The following KMT2D variants were observed in gnomAD, a reference collection of about 807,000 sequenced individuals.
The protein encoded by KMT2D is histone-lysine N-methyltransferase 2D.
A neutral mutation model predicts 512.7 loss-of-function variants in KMT2D; 55 were observed. The observed-to-expected ratio is 0.11, with a 90% CI of 0.09 to 0.13. The LOEUF (loss-of-function observed/expected upper bound fraction) is 0.13. KMT2D is among the 10% of genes least tolerant of loss of function. The pLI is 1.00. For synonymous variants in KMT2D, 2,995 were observed against 2,904.0 expected (o/e 1.03, Z -1.01); for missense variants, 6,061 against 7,127.9 (o/e 0.85, Z 5.39).
rs974716844 is a variant in KMT2D, at chr12:49,048,789, G to C, written c.4021-20C>G. The C allele has an allele frequency of 6.6e-6, 10 of 1,505,038 alleles. No homozygotes were observed. The highest frequency in any genetic ancestry group is 4.1e-5 in the African/African-American group (3 of 72,878). 93.2% of individuals were successfully genotyped at this position (1,505,038 alleles called of 1,614,324 possible). A position where few individuals can be genotyped will look rare whatever the true frequency, so the allele number is the denominator to read the frequency against. On this transcript the variant is annotated intron_variant, in intron 13 of 54. Transcript: ENST00000301067. ...AGCAACCTGATGGGCAGAGAGTTAT[G>C]GAAAGTGAGGCAGATAAATCTGCCC... is the stretch of plus-strand genomic sequence containing the variant.
Position 49,041,082 on chromosome 12 carries a change from G to T in KMT2D, c.6688C>A (p.Pro2230Thr), listed in dbSNP as rs2120541254. ...AGQPGEFHTT[P>T]PGTPRHQPST... ...GGCTGGTGTCTGGGGGTGCCAGGTG[G>T]GGTAGTGTGGAATTCCCCTGGCTGG... is the stretch of plus-strand genomic sequence containing the variant. The change falls in exon 32 of 55, where the codon CCA becomes ACA. Residue 2230 changes from proline (P) to threonine (T), a missense_variant. This residue lies in a region of KMT2D where 710 missense variants were observed against 647.3 expected (regional missense o/e 1.10). Coordinates refer to ENST00000301067, the MANE Select transcript of KMT2D (RefSeq NM_003482.4). The surrounding 1 kb of genome is among the most constrained non-coding windows in gnomAD (Gnocchi z 5.4). 6.5e-7 allele frequency: 1 copy of T among 1,536,116 alleles called. No homozygotes were observed. The highest frequency in any genetic ancestry group is 8.7e-7 in the Non-Finnish European group (1 of 1,144,756).
rs1326488356 is a variant in KMT2D, at chr12:49,054,285, C to T, written c.510+22G>A. 1.3e-6 allele frequency: 2 copies of T among 1,566,342 alleles called. No individual in the cohort carries two copies. The highest frequency in any genetic ancestry group is 1.4e-5 in the African/African-American group (1 of 73,732). ...CCACCAGCCCTGCCCTTCACCTATG[C>T]AATCCCCTGGCCCAGCCCCACCTGT... On this transcript the variant is annotated intron_variant, in intron 5 of 54. Coordinates refer to ENST00000301067, the MANE Select transcript of KMT2D (RefSeq NM_003482.4). This position sits in a 1 kb window ranked among gnomAD's most constrained non-coding sequence, Gnocchi z 6.4.
rs770360649 is a variant in KMT2D at position 49,029,390 on chromosome 12, C to G, written c.14075+11G>C. 2.6e-4 allele frequency: 398 copies of G among 1,556,444 alleles called. 3 individuals are homozygous for G. The highest frequency in any genetic ancestry group is 7.2e-4 in the East Asian group (30 of 41,404). ...CTTGTTCCTCATCCCCATTTCTGGCCCCGCCCCTACCTGACATCCTCAGTC... is the reference window on the plus strand; with the variant it reads ...CTTGTTCCTCATCCCCATTTCTGGCGCCGCCCCTACCTGACATCCTCAGTC... On this transcript the variant is annotated intron_variant, in intron 44 of 54. Coordinates refer to ENST00000301067, the MANE Select transcript of KMT2D (RefSeq NM_003482.4).
chr12:49,037,189 C>T lies in KMT2D; in HGVS notation c.10167G>A (p.Met3389Ile), dbSNP rs755482753. Reference protein sequence around the residue: ...QKPMGTMPPSMCMKPQQLAMQ... With the variant: ...QKPMGTMPPSICMKPQQLAMQ... The stretch of plus-strand genomic sequence containing the variant: ...TTGCCAATTGCTGCGGCTTCATGCA[C>T]ATGGAAGGTGGCATGGTGCCCATGG... The change falls in exon 35 of 55, where the codon ATG becomes ATA. Residue 3389 changes from methionine to isoleucine, a missense_variant. Coordinates refer to ENST00000301067, the MANE Select transcript of KMT2D (RefSeq NM_003482.4). 2 of 1,605,950 alleles carry T rather than the reference C, an allele frequency of 1.2e-6. No individual in the cohort carries two copies. The highest frequency in any genetic ancestry group is 1.7e-5 in the Admixed American group (1 of 59,774).
In KMT2D at chr12:49,038,793, C is replaced by T. The variant is rs1316916041; in HGVS notation, c.8563G>A (p.Ala2855Thr). 1 of 1,588,192 alleles carries T rather than the reference C, an allele frequency of 6.3e-7. No homozygotes were observed. The highest frequency in any genetic ancestry group is 8.6e-7 in the Non-Finnish European group (1 of 1,167,038). The change falls in exon 35 of 55, where the codon GCG (alanine) becomes ACG (threonine). Residue 2855 changes from alanine to threonine, a missense_variant. By Grantham distance (58) the Ala-to-Thr change is moderately conservative. Transcript: ENST00000301067. The surrounding 1 kb of genome is among the most constrained non-coding windows in gnomAD (Gnocchi z 5.7). ...LGRQALGSPL[A>T]GISTRLPGPG... Reference sequence around the variant, plus strand: ...CCTGGCAGACGGGTGGAAATTCCCGCCAACGGGGAACCTAGGGCTTGGCGG... The same window carrying T: ...CCTGGCAGACGGGTGGAAATTCCCGTCAACGGGGAACCTAGGGCTTGGCGG...
At chr12:49,035,964 T>C (rs1943195353) in intron 35 of KMT2D, 1 of 152,272 alleles carries the variant, frequency 6.6e-6, no homozygotes, top group Non-Finnish European at 1.5e-5. Context: ...CTAGCTCTGC[T>C]AGCTGCTGTG....
At chr12:49,028,272 G>C in intron 46 of KMT2D, 131 bp from the exon 47 acceptor site, 1 of 1,118,868 alleles carries the variant, frequency 8.9e-7, no homozygotes, top group East Asian at 2.6e-5. Flanking sequence ...ATGTCACCCA[G>C]CTCTTTTCAT....
At position 49,060,745 on chromosome 12, in the gene KMT2D, G is replaced by A. The variant is rs982579951; in HGVS notation, c.-1170C>T. Among the ~76,000 whole-genome samples the A allele has an allele frequency of 6.6e-6, 1 of 152,260 alleles. No individual in the cohort carries two copies. Among genetic ancestry groups the A allele is most frequent in the Non-Finnish European group, 1.5e-5 (1 of 68,048 alleles). ...TTTGCCCGGGGCACCCCACTCGAGA[G>A]GGGGAGAAAGGAGAAGAGGCGGCCC... On this transcript the variant is annotated 5_prime_UTR_variant, in exon 1 of 55. Coordinates refer to ENST00000301067, the MANE Select transcript of KMT2D (RefSeq NM_003482.4).
rs768143170 is a variant in KMT2D, at chr12:49,030,976, C to T, written c.13588G>A (p.Asp4530Asn). Residue 4530 changes from aspartate to asparagine, a missense_variant, in exon 41 of 55, where the codon GAC (aspartate) becomes AAC (asparagine). By Grantham distance (23) the Asp-to-Asn change is conservative. Coordinates refer to ENST00000301067, the MANE Select transcript of KMT2D (RefSeq NM_003482.4). ...PKPKRVQKAS[D>N]RLVSSRKKLR... ...TTCTTTCGGGAGCTCACCAACCTGT[C>T]GCTTGCCTTCTGTACCCGCTTGGGC... 4.4e-5 allele frequency: 71 copies of T among 1,613,856 alleles called. No homozygotes were observed. Among genetic ancestry groups the T allele is most frequent in the East Asian group, 6.7e-5 (3 of 44,894 alleles).
At position 49,042,414 on chromosome 12, in the gene KMT2D, C is replaced by T; in HGVS notation, c.5868-84G>A. 3 of 1,501,642 alleles carry T rather than the reference C, an allele frequency of 2.0e-6. No individual in the cohort carries two copies. The highest frequency in any genetic ancestry group is 2.6e-5 in the South Asian group (2 of 76,094). 93.0% of individuals were successfully genotyped at this position (1,501,642 alleles called of 1,614,324 possible). A position where few individuals can be genotyped will look rare whatever the true frequency, so the allele number is the denominator to read the frequency against. On this transcript the variant is annotated intron_variant, in intron 28 of 54. Transcript: ENST00000301067. This position sits in a 1 kb window ranked among gnomAD's most constrained non-coding sequence, Gnocchi z 4.4. ...AACTGCCTAGAGCCCCAGGCCACTG[C>T]CCTGCCCCAAAAGAGGAGGGTCACT...
chr12:49,044,826 C>T lies in KMT2D; in HGVS notation c.4881G>A (p.Glu1627=), dbSNP rs1943711015. ...RLGLPGEAGL[E]GSEPSDALGP... ...CAAGGGCATCTGAGGGCTCAGAACC[C>T]TCCAATCCTGCCTCGCCTGGGAGGC... is the stretch of plus-strand genomic sequence containing the variant. Residue 1627 remains glutamate (E), a synonymous_variant, in exon 20 of 55, where the codon GAG becomes GAA. Transcript: ENST00000301067. The surrounding 1 kb of genome is among the most constrained non-coding windows in gnomAD (Gnocchi z 6.4). 1 of 1,614,084 alleles carries T rather than the reference C, an allele frequency of 6.2e-7. No homozygotes were observed. The highest frequency in any genetic ancestry group is 8.5e-7 in the Non-Finnish European group (1 of 1,179,912).
At chr12:49,058,633 G>A (rs1199490487) in intron 1 of KMT2D, among the ~76,000 whole-genome samples, 2 of 152,146 alleles carry the variant, frequency 1.3e-5, no homozygotes, top group East Asian at 1.9e-4. Context: ...GGAGAAAAGA[G>A]CTCTGATCAA....
In KMT2D at chr12:49,021,133, G is replaced by A; in HGVS notation, c.*647C>T. Reference sequence around the variant, plus strand: ...TGTGGGTGCGGGGTCTCCTTGCCCGGCTTGCCCAGCTTGCCCTCCTAGGCA... The same window carrying A: ...TGTGGGTGCGGGGTCTCCTTGCCCGACTTGCCCAGCTTGCCCTCCTAGGCA... On this transcript the variant is annotated 3_prime_UTR_variant, in exon 55 of 55. Transcript: ENST00000301067. The A allele has an allele frequency of 5.0e-6, 1 of 198,780 alleles. No homozygotes were observed. Among genetic ancestry groups the A allele is most frequent in the Non-Finnish European group, 1.0e-5 (1 of 95,964 alleles). 12.3% of individuals were successfully genotyped at this position (198,780 alleles called of 1,614,324 possible).
In KMT2D at chr12:49,053,626, G is replaced by A. The variant is rs1307480043; in HGVS notation, c.689C>T (p.Ala230Val). Reference protein sequence around the residue: ...GAAYLEEARCAVCEGPGELCD... With the variant: ...GAAYLEEARCVVCEGPGELCD... ...CAACTCCCCTGGCCCCTCACACACTGCACAGCGAGCCTCCTCTGCAGGGGG... is the reference window on the plus strand; with the variant it reads ...CAACTCCCCTGGCCCCTCACACACTACACAGCGAGCCTCCTCTGCAGGGGG... The change falls in exon 7 of 55, where the codon GCA becomes GTA. Residue 230 changes from alanine (A) to valine (V), a missense_variant. Transcript: ENST00000301067. The A allele has an allele frequency of 2.5e-6, 4 of 1,594,628 alleles. No homozygotes were observed. The highest frequency in any genetic ancestry group is 1.7e-4 in the Middle Eastern group (1 of 6,046).
chr12:49,028,701 G>A (rs1335747798), intron 46 of KMT2D, 127 bp downstream of exon 46: 1 of 1,256,514 alleles, frequency 8.0e-7, no homozygotes, highest in African/African-American at 1.5e-5. Flanking sequence ...CTCTAGCCCA[G>A]GCTTTCACAT....
At position 49,019,685 on chromosome 12, in the gene KMT2D, G is replaced by C. The variant is rs886782383; in HGVS notation, c.*2095C>G. On this transcript the variant is annotated 3_prime_UTR_variant, in exon 55 of 55. Coordinates refer to ENST00000301067, the MANE Select transcript of KMT2D (RefSeq NM_003482.4). ...GAACATCCAAGGGCTGTGGCTTTGAGGGCAGCAGCCCAGTCTTCCTACTGT... is the reference window on the plus strand; with the variant it reads ...GAACATCCAAGGGCTGTGGCTTTGACGGCAGCAGCCCAGTCTTCCTACTGT... The C allele has an allele frequency of 8.6e-6, 2 of 231,898 alleles. No homozygotes were observed. 14.4% of individuals were successfully genotyped at this position (231,898 alleles called of 1,614,324 possible).
rs757195853 is a variant in KMT2D, at chr12:49,051,994, A to G, written c.1689T>C (p.Thr563=). The G allele has an allele frequency of 2.5e-6, 4 of 1,600,624 alleles. No individual in the cohort carries two copies. Among genetic ancestry groups the G allele is most frequent in the Non-Finnish European group, 3.4e-6 (4 of 1,175,052 alleles). The change falls in exon 11 of 55, where the codon ACT becomes ACC. Residue 563 remains threonine (T), a synonymous_variant. Coordinates refer to ENST00000301067, the MANE Select transcript of KMT2D (RefSeq NM_003482.4). ...GGCGAGATGCTTCAGGTGGCGGGGA[A>G]GTGGGCAATTCCTCAGGTGGCGGGG... ...PLSPPPEELP[T]SPPPEASRLS... is the part of the protein sequence containing the mutation.
chr12:49,041,433 G>C lies in KMT2D; in HGVS notation c.6337C>G (p.Leu2113Val), dbSNP rs780284202. 3.7e-6 allele frequency: 6 copies of C among 1,610,586 alleles called. No individual in the cohort carries two copies. The highest frequency in any genetic ancestry group is 5.1e-6 in the Non-Finnish European group (6 of 1,177,236). Residue 2113 changes from leucine to valine, a missense_variant, in exon 32 of 55, where the codon CTG becomes GTG. By Grantham distance (32) the Leu-to-Val change is conservative. Transcript: ENST00000301067. The surrounding 1 kb of genome is among the most constrained non-coding windows in gnomAD (Gnocchi z 5.4). Reference protein sequence around the residue: ...HLRIPPQPGALGSPPPAAAPT... With the variant: ...HLRIPPQPGAVGSPPPAAAPT... ...GCAGCAGCGGGGGGCGGGCTGCCCA[G>C]TGCCCCTGGCTGCGGGGGAATGCGG...
Position 49,051,489 on chromosome 12 carries a change from G to T in KMT2D, c.2194C>A (p.Pro732Thr), listed in dbSNP as rs1176744330. The T allele has an allele frequency of 1.2e-6, 2 of 1,613,692 alleles. No individual in the cohort carries two copies. The highest frequency in any genetic ancestry group is 8.5e-7 in the Non-Finnish European group (1 of 1,179,740). Reference protein sequence around the residue: ...ESPLLPLPEEPQLCPRSEGPH... With the variant: ...ESPLLPLPEETQLCPRSEGPH... The stretch of plus-strand genomic sequence containing the variant: ...CCCTCGGACCGGGGGCAGAGTTGCG[G>T]CTCCTCAGGTAGTGGCAACAGGGGT... The change falls in exon 11 of 55, where the codon CCG becomes ACG. Residue 732 changes from proline (P) to threonine (T), a missense_variant. Physicochemically the swap from Pro to Thr is conservative, Grantham distance 38. Coordinates refer to ENST00000301067, the MANE Select transcript of KMT2D (RefSeq NM_003482.4).
Sources: gnomAD v4.1 joint callset for allele counts (sites outside exome capture counted in the v4.1 genomes callset) on GRCh38, gnomAD v4.1.1 for gene constraint, gnomAD v4.1.1 regional missense constraint, Gnocchi (gnomAD v3.1) non-coding constraint, MANE v1.5 for transcripts, NCBI Gene and HGNC (gene_info 2026-07-23, HGNC 2026-07-21) for gene names.